The following XIRP2 variants were observed in gnomAD, a reference collection of about 807,000 sequenced individuals.
The protein encoded by XIRP2 is xin actin-binding repeat-containing protein 2.
In XIRP2, 236 loss-of-function variants were observed where a neutral mutation model predicts 277.0. That is an observed-to-expected ratio of 0.85 (90% CI 0.77 to 0.95). The LOEUF (loss-of-function observed/expected upper bound fraction) is 0.95. XIRP2 is among the 40% of genes least tolerant of loss of function. The probability of loss-of-function intolerance (pLI) is 0.00; values close to 1 mark genes in which losing one functional copy is unlikely to be tolerated. For synonymous variants in XIRP2, 1,490 were observed against 1,416.5 expected (o/e 1.05, Z -1.17); for missense variants, 4,640 against 4,157.5 (o/e 1.12, Z -3.19).
At chr2:167,147,266 A>C (rs1408418828) in intron 3 of XIRP2, among the ~76,000 whole-genome samples, 1 of 152,172 alleles carries the variant, frequency 6.6e-6, no homozygotes, top group Non-Finnish European at 1.5e-5. Flanking sequence ...TATGGAGGAA[A>C]GGGTTAACTT....
At position 167,173,830 on chromosome 2, in the gene XIRP2, T is replaced by C. The variant is rs368100695; in HGVS notation, c.563-36905T>C. Reference sequence around the variant, plus strand: ...CTTTTGGATTGGGTGACATGATATCTCATTACAGTTCTGATTTGCATTTCT... The same window carrying C: ...CTTTTGGATTGGGTGACATGATATCCCATTACAGTTCTGATTTGCATTTCT... On this transcript the variant is annotated intron_variant, in intron 3 of 10. Coordinates refer to ENST00000409195, the MANE Select transcript of XIRP2 (RefSeq NM_152381.6). Among the ~76,000 whole-genome samples the C allele has an allele frequency of 7.2e-5, 11 of 152,288 alleles. No homozygotes were observed. In the South Asian group the frequency reaches 8.3e-4, roughly 11 times the overall value.
intron 2 of XIRP2, among the ~76,000 whole-genome samples, chr2:166,920,038 G>T (rs1342704370): frequency 6.6e-6 from 1 of 152,062 alleles, no homozygotes; most frequent in Non-Finnish European, 1.5e-5. Flanking sequence ...AAATTTTTGA[G>T]TTTACCGTTG....
rs1425866258 is a variant in XIRP2, at chr2:167,104,886, G to A, written c.409-31023G>A. Among the ~76,000 whole-genome samples the A allele has an allele frequency of 2.0e-5, 3 of 152,000 alleles. No homozygotes were observed. In the East Asian group the frequency reaches 5.8e-4, roughly 29 times the overall value. On this transcript the variant is annotated intron_variant, in intron 2 of 10. Transcript: ENST00000409195. Reference sequence around the variant, plus strand: ...AGTAACATTCAACTATCCTCATTCTGCGCATATCTTTTAGCTTATTTGAGT... The same window carrying A: ...AGTAACATTCAACTATCCTCATTCTACGCATATCTTTTAGCTTATTTGAGT...
At chr2:167,118,297 T>C (rs1222564551) in intron 2 of XIRP2, among the ~76,000 whole-genome samples, 2 of 151,868 alleles carry the variant, frequency 1.3e-5, no homozygotes, top group Non-Finnish European at 2.9e-5. Flanking sequence ...CTGGCCAACA[T>C]GGTGAAACCC....
intron 2 of XIRP2, among the ~76,000 whole-genome samples, chr2:166,955,865 C>G (rs544992115): frequency 3.3e-5 from 5 of 151,246 alleles, no homozygotes; most frequent in South Asian, 2.1e-4. Context: ...CATCTTCATC[C>G]TTTTCATCAC....
At chr2:167,016,908 T>C (rs1687842040) in intron 2 of XIRP2, among the ~76,000 whole-genome samples, 1 of 151,904 alleles carries the variant, frequency 6.6e-6, no homozygotes, top group Non-Finnish European at 1.5e-5. Context: ...ACTTAGTTCT[T>C]ATATCATGCT....
chr2:167,103,542 A>T (rs1690541356), intron 2 of XIRP2, among the ~76,000 whole-genome samples: 1 of 152,134 alleles, frequency 6.6e-6, no homozygotes, highest in African/African-American at 2.4e-5. Flanking sequence ...CCAGGAATTT[A>T]TGTTGCCCAA....
At chr2:166,982,960 C>T (rs949128817) in intron 2 of XIRP2, among the ~76,000 whole-genome samples, 5 of 152,164 alleles carry the variant, frequency 3.3e-5, no homozygotes, top group Non-Finnish European at 7.4e-5. Flanking sequence ...GAACCATCCC[C>T]GTCTACCAAA....
At chr2:167,021,634 A>G (rs1687984874) in intron 2 of XIRP2, among the ~76,000 whole-genome samples, 1 of 151,900 alleles carries the variant, frequency 6.6e-6, no homozygotes, top group Non-Finnish European at 1.5e-5. Flanking sequence ...GGATGATTTG[A>G]GCCCAGGAGT....
At chr2:167,098,854 G>A (rs1218837127) in intron 2 of XIRP2, among the ~76,000 whole-genome samples, 2 of 152,162 alleles carry the variant, frequency 1.3e-5, no homozygotes, top group Admixed American at 1.3e-4. Context: ...ACCCTGTTTG[G>A]CTGGGTATCA....
rs1695358041 is a variant in XIRP2 at position 167,248,509 on chromosome 2, T to C, written c.7117T>C (p.Ser2373Pro). 1 of 1,613,598 alleles carries C rather than the reference T, an allele frequency of 6.2e-7. No individual in the cohort carries two copies. The highest frequency in any genetic ancestry group is 8.5e-7 in the Non-Finnish European group (1 of 1,179,776). ...GCCGCCTCCTCCTCCTCCAACTCCA[T>C]CTCAAAAGCCAGCACATCTCCTTTC... ...FLPPPPPPTPSQKPAHLLSSS... is the reference protein window; with the variant it reads ...FLPPPPPPTPPQKPAHLLSSS... The change falls in exon 9 of 11, where the codon TCT (serine) becomes CCT (proline). Residue 2373 changes from serine to proline, a missense_variant. Transcript: ENST00000409195.
intron 4 of XIRP2, among the ~76,000 whole-genome samples, chr2:167,214,710 G>T (rs1020147761): frequency 6.6e-6 from 1 of 151,810 alleles, no homozygotes; most frequent in African/African-American, 2.4e-5. Context: ...GGAATTACAG[G>T]CATGTGCCAC....
chr2:167,196,181 A>T (rs1265055862), intron 3 of XIRP2, among the ~76,000 whole-genome samples: 1 of 152,198 alleles, frequency 6.6e-6, no homozygotes, highest in Non-Finnish European at 1.5e-5. Context: ...CTATGATAAT[A>T]TACAACTGGA....
intron 2 of XIRP2, among the ~76,000 whole-genome samples, chr2:167,037,952 T>C (rs1688557909): frequency 6.6e-6 from 1 of 152,166 alleles, no homozygotes; most frequent in African/African-American, 2.4e-5. Flanking sequence ...CAGTGAGCTT[T>C]ATCTTATGTC....
intron 2 of XIRP2, among the ~76,000 whole-genome samples, chr2:166,952,961 T>A (rs186320678): frequency 3.3e-5 from 5 of 152,000 alleles, no homozygotes; most frequent in African/African-American, 1.2e-4. Context: ...AATTTAAAAA[T>A]TGCTTAGGCA....
Position 167,244,462 on chromosome 2 carries a change from A to C in XIRP2, c.3070A>C (p.Arg1024=). 6.2e-7 allele frequency: 1 copy of C among 1,613,804 alleles called. No individual in the cohort carries two copies. The highest frequency in any genetic ancestry group is 8.5e-7 in the Non-Finnish European group (1 of 1,179,818). ...AAGCTGTAGGTGGCTTTTTGAAACA[A>C]GGCCCATTGACCAGTTTGATGAAAG... The part of the protein sequence containing the change: ...VRSCRWLFET[R]PIDQFDESIH... The change falls in exon 9 of 11, where the codon AGG becomes CGG. Residue 1024 remains arginine, a synonymous_variant. Coordinates refer to ENST00000409195, the MANE Select transcript of XIRP2 (RefSeq NM_152381.6).
rs751004306 is a variant in XIRP2, at chr2:167,258,369, A to G, written c.*552A>G. 15 of 1,613,304 alleles carry G rather than the reference A, an allele frequency of 9.3e-6. No individual in the cohort carries two copies. Among genetic ancestry groups the G allele is most frequent in the Admixed American group, 1.7e-5 (1 of 59,910 alleles). The stretch of plus-strand genomic sequence containing the variant: ...TTGCAGCCTTATCTACAGTCCACCC[A>G]TGTTTGTCAGAAAGAGGATGTTATA... On this transcript the variant is annotated 3_prime_UTR_variant, in exon 11 of 11. Transcript: ENST00000409195.
intron 2 of XIRP2, among the ~76,000 whole-genome samples, chr2:167,023,297 G>A (rs1008912046): frequency 6.6e-6 from 1 of 151,854 alleles, no homozygotes. Flanking sequence ...CTTTTTGATG[G>A]GGTTGTTTGT....
intron 2 of XIRP2, among the ~76,000 whole-genome samples, chr2:167,125,064 AG>A (rs1553489034): frequency 1.3e-5 from 2 of 152,132 alleles, no homozygotes; most frequent in Non-Finnish European, 2.9e-5. Context: ...TTGTTAAATG[AG>A]GGGGCAAGCC....
Sources: gnomAD v4.1 joint callset for allele counts (sites outside exome capture counted in the v4.1 genomes callset) on GRCh38, gnomAD v4.1.1 for gene constraint, MANE v1.5 for transcripts, NCBI Gene and HGNC (gene_info 2026-07-23, HGNC 2026-07-21) for gene names.